The following PTPRM variants were observed in gnomAD, a reference collection of about 807,000 sequenced individuals.
PTPRM encodes the protein receptor-type tyrosine-protein phosphatase mu.
In PTPRM, 47 loss-of-function variants were observed where a neutral mutation model predicts 186.7. That is an observed-to-expected ratio of 0.25 (90% CI 0.20 to 0.32). PTPRM has a LOEUF of 0.32. Ranked by LOEUF, PTPRM falls within the 10% of genes least tolerant of loss-of-function variation. PTPRM has a pLI of 1.00. For missense variants in PTPRM, 1,494 were observed against 1,865.0 expected, an observed-to-expected ratio of 0.80 and a Z score of 3.66; for synonymous variants, 668 against 674.9, an observed-to-expected ratio of 0.99 and a Z score of 0.16.
intron 14 of PTPRM, among the ~76,000 whole-genome samples, chr18:8,240,462 A>AGGGAGGGAGGGAGG (rs1555813159): frequency 4.8e-5 from 3 of 62,058 alleles, no homozygotes; most frequent in African/African-American, 2.4e-4. Flanking sequence ...AGAGAGAGAG[A>AGGGAGGGAGGGAGG]GAGGGAGGGA....
intron 7 of PTPRM, among the ~76,000 whole-genome samples, chr18:8,056,806 G>T (rs1224811078): frequency 6.7e-6 from 1 of 150,210 alleles, no homozygotes; most frequent in East Asian, 2.0e-4. Flanking sequence ...AGAGAAGTTT[G>T]ACATTGTCTG....
intron 2 of PTPRM, chr18:7,814,468 G>C (rs934063494): frequency 6.6e-6 from 1 of 152,212 alleles, no homozygotes; most frequent in African/African-American, 2.4e-5. Context: ...TTTCAACAGG[G>C]GGTAATGAGG....
At chr18:7,976,072 G>A (rs2054913298) in intron 7 of PTPRM, among the ~76,000 whole-genome samples, 2 of 152,172 alleles carry the variant, frequency 1.3e-5, no homozygotes, top group Admixed American at 1.3e-4. Context: ...AGGAGGCTGA[G>A]GCAGGAAAAT....
intron 1 of PTPRM, among the ~76,000 whole-genome samples, chr18:7,645,406 A>G (rs2038537741): frequency 6.6e-6 from 1 of 152,158 alleles, no homozygotes; most frequent in South Asian, 2.1e-4. Context: ...TTCATGACCC[A>G]CCTATTTTGT....
At chr18:8,385,554 G>T (rs1029215581) in intron 30 of PTPRM, among the ~76,000 whole-genome samples, 1 of 152,180 alleles carries the variant, frequency 6.6e-6, no homozygotes, top group Non-Finnish European at 1.5e-5. Context: ...CCAAGGCAGG[G>T]CCTTGCATGT....
intron 7 of PTPRM, among the ~76,000 whole-genome samples, chr18:7,991,321 C>T (rs2083256968): frequency 6.6e-6 from 1 of 151,904 alleles, no homozygotes; most frequent in Non-Finnish European, 1.5e-5. Context: ...ATTGTAGTGA[C>T]CTTACCAGTA....
At chr18:7,946,601 T>G (rs1055283068) in intron 5 of PTPRM, among the ~76,000 whole-genome samples, 19 of 152,158 alleles carry the variant, frequency 1.2e-4, no homozygotes, top group South Asian at 6.2e-4. Context: ...GAGGAACCTT[T>G]CTCCTGTTGT....
At chr18:8,268,586 G>A (rs192244238) in intron 19 of PTPRM, among the ~76,000 whole-genome samples, 180 of 152,024 alleles carry the variant, frequency 1.2e-3, no homozygotes, top group South Asian at 2.3e-3. Flanking sequence ...TTACAAGGCC[G>A]ATATTACCCT....
At chr18:8,367,310 C>T (rs571138069) in intron 23 of PTPRM, among the ~76,000 whole-genome samples, 156 of 152,330 alleles carry the variant, frequency 1.0e-3, no homozygotes, top group Middle Eastern at 3.4e-3. Context: ...TGTTCTGGGC[C>T]CGCCCCGCCA....
intron 6 of PTPRM, among the ~76,000 whole-genome samples, chr18:7,953,266 CCT>C (rs1156342076): frequency 6.6e-6 from 1 of 152,096 alleles, no homozygotes; most frequent in Non-Finnish European, 1.5e-5. Flanking sequence ...TGACTTTGCC[CCT>C]GAGTTTCATT....
At chr18:8,341,779 A>G (rs1598370902) in intron 22 of PTPRM, among the ~76,000 whole-genome samples, 1 of 151,814 alleles carries the variant, frequency 6.6e-6, no homozygotes, top group Admixed American at 6.6e-5. Context: ...CAAGCTGTTA[A>G]GTACACAATG....
At chr18:8,178,218 A>G (rs796595556) in intron 14 of PTPRM, among the ~76,000 whole-genome samples, 125 of 152,310 alleles carry the variant, frequency 8.2e-4, no homozygotes, top group African/African-American at 2.8e-3. Flanking sequence ...AGCTATAGCC[A>G]GAGATCATTG....
intron 1 of PTPRM, among the ~76,000 whole-genome samples, chr18:7,687,382 TA>T (rs1334406725): frequency 6.6e-6 from 1 of 152,184 alleles, no homozygotes; most frequent in Non-Finnish European, 1.5e-5. Context: ...TTCTCAATTT[TA>T]AATAAAAATT....
At chr18:7,581,291 G>A (rs1408807979) in intron 1 of PTPRM, among the ~76,000 whole-genome samples, 1 of 152,076 alleles carries the variant, frequency 6.6e-6, no homozygotes, top group African/African-American at 2.4e-5. Flanking sequence ...AATCCCTCTG[G>A]CTCCAAGCCT....
intron 7 of PTPRM, among the ~76,000 whole-genome samples, chr18:8,033,652 C>T (rs998160435): frequency 6.6e-5 from 10 of 152,196 alleles, no homozygotes; most frequent in Non-Finnish European, 8.8e-5. Context: ...CTGTCTTATA[C>T]ACAGTTTGTC....
At chr18:7,714,364 A>C (rs1568047763) in intron 1 of PTPRM, among the ~76,000 whole-genome samples, 1 of 152,200 alleles carries the variant, frequency 6.6e-6, no homozygotes, top group Non-Finnish European at 1.5e-5. Flanking sequence ...ACACAGCTAA[A>C]GCAGTGTTTA....
intron 14 of PTPRM, among the ~76,000 whole-genome samples, chr18:8,227,680 A>T (rs1315471123): frequency 2.0e-5 from 3 of 152,220 alleles, no homozygotes; most frequent in Admixed American, 6.5e-5. Context: ...GTAGTGTTCC[A>T]ATATGACATG....
chr18:7,717,301 G>A (rs765423560), intron 1 of PTPRM, among the ~76,000 whole-genome samples: 8 of 152,080 alleles, frequency 5.3e-5, no homozygotes, highest in Non-Finnish European at 1.2e-4. Context: ...ATGGGACTAC[G>A]GCTGGATGTT....
At chr18:7,935,377 G>C (rs1261741863) in intron 5 of PTPRM, among the ~76,000 whole-genome samples, 3 of 151,902 alleles carry the variant, frequency 2.0e-5, no homozygotes, top group Non-Finnish European at 4.4e-5. Context: ...AAACCTTTAG[G>C]CGTATACCTT....
Sources: gnomAD v4.1 joint callset for allele counts (sites outside exome capture counted in the v4.1 genomes callset) on GRCh38, gnomAD v4.1.1 for gene constraint, MANE v1.5 for transcripts, NCBI Gene and HGNC (gene_info 2026-07-23, HGNC 2026-07-21) for gene names.